SLC25A21: variants seen among roughly 807,000 people sequenced by gnomAD.
The protein encoded by SLC25A21 is solute carrier family 25 member 21.
Under a neutral mutation model 43.8 loss-of-function variants are expected in SLC25A21, and 47 were observed. The observed-to-expected ratio is 1.07, with a 90% confidence interval of 0.85 to 1.37. The LOEUF (loss-of-function observed/expected upper bound fraction) is 1.37, where lower values mean the gene tolerates loss of function less well. Among genes scored for constraint, SLC25A21 ranks in the 40% most tolerant of loss-of-function variants. The pLI is 0.00. For missense variants in SLC25A21, 352 were observed against 350.2 expected (o/e 1.00, Z -0.04); for synonymous variants, 131 against 121.3 (o/e 1.08, Z -0.52).
chr14:36,872,415 A>G (rs947848167), intron 2 of SLC25A21, among the ~76,000 whole-genome samples: 1 of 152,154 alleles, frequency 6.6e-6, no homozygotes. Context: ...ATTTGTTTCT[A>G]TTTAGAAACA....
intron 1 of SLC25A21, among the ~76,000 whole-genome samples, chr14:36,935,358 A>G (rs940935799): frequency 6.6e-6 from 1 of 152,168 alleles, no homozygotes; most frequent in Non-Finnish European, 1.5e-5. Context: ...GATTTGAGAG[A>G]TCTCTCTGTC....
rs796635697 is a variant in SLC25A21, at chr14:37,097,078, C to T, written c.70+75203G>A. Reference sequence around the variant, plus strand: ...TTTGTTTTTGGTTCTTACGAAAGTGCTTTTTTTATTCTAACTTTTATTTAG... The same window carrying T: ...TTTGTTTTTGGTTCTTACGAAAGTGTTTTTTTTATTCTAACTTTTATTTAG... On this transcript the variant is annotated intron_variant, in intron 1 of 9. Coordinates refer to ENST00000331299, the MANE Select transcript of SLC25A21 (RefSeq NM_030631.4). The T allele has an allele frequency of 7.0e-5, 10 of 143,050 alleles. No individual in the cohort carries two copies. The East Asian group carries it at 1.7e-3, about 24-fold the overall frequency. 8.9% of individuals were successfully genotyped at this position (143,050 alleles called of 1,614,324 possible).
intron 5 of SLC25A21, among the ~76,000 whole-genome samples, chr14:36,727,718 A>T (rs1884658951): frequency 6.6e-6 from 1 of 152,104 alleles, no homozygotes; most frequent in African/African-American, 2.4e-5. Flanking sequence ...TGAAAAAGAA[A>T]GAAAGAAAGA....
At chr14:37,073,269 C>T (rs961557042) in intron 1 of SLC25A21, among the ~76,000 whole-genome samples, 1 of 152,204 alleles carries the variant, frequency 6.6e-6, no homozygotes, top group African/African-American at 2.4e-5. Flanking sequence ...TTAATCCTTC[C>T]TTAGTCACTT....
chr14:37,054,664 T>G (rs1961782321), intron 1 of SLC25A21, among the ~76,000 whole-genome samples: 1 of 151,994 alleles, frequency 6.6e-6, no homozygotes, highest in African/African-American at 2.4e-5. Context: ...GGAAAAAAGG[T>G]GTTGAGAAGT....
At chr14:36,827,741 T>A (rs1888888357) in intron 2 of SLC25A21, among the ~76,000 whole-genome samples, 1 of 152,216 alleles carries the variant, frequency 6.6e-6, no homozygotes, top group African/African-American at 2.4e-5. Flanking sequence ...TAAAAGGTTA[T>A]GAAAATAACA....
chr14:36,807,497 G>A (rs1297176796), intron 3 of SLC25A21, among the ~76,000 whole-genome samples: 5 of 152,136 alleles, frequency 3.3e-5, no homozygotes, highest in Non-Finnish European at 5.9e-5. Context: ...CTCTTCCATT[G>A]TTTCTTCAAA....
intron 7 of SLC25A21, among the ~76,000 whole-genome samples, chr14:36,702,967 T>A (rs971379417): frequency 3.3e-5 from 5 of 152,194 alleles, no homozygotes; most frequent in African/African-American, 4.8e-5. Flanking sequence ...AAACTGCCAA[T>A]GAAAGATACC....
intron 1 of SLC25A21, among the ~76,000 whole-genome samples, chr14:37,032,169 G>A (rs191428238): frequency 3.3e-5 from 5 of 152,092 alleles, no homozygotes; most frequent in African/African-American, 1.2e-4. Context: ...TAAATCACAA[G>A]GATTATTTTT....
intron 1 of SLC25A21, among the ~76,000 whole-genome samples, chr14:36,885,023 G>A (rs1479103735): frequency 2.0e-5 from 3 of 151,930 alleles, no homozygotes; most frequent in African/African-American, 7.3e-5. Context: ...GCGCTTTTGG[G>A]GATATATCCC....
intron 3 of SLC25A21, among the ~76,000 whole-genome samples, chr14:36,779,503 ATATATATAAGAATAAACATATTCC>A (rs1229343648): frequency 6.9e-6 from 1 of 144,850 alleles, no homozygotes; most frequent in African/African-American, 2.5e-5. Context: ...ACATATTCCT[ATATATATAAGAATAAACATATTCC>A]TATATATAAG....
chr14:36,966,494 A>C (rs1366455185), intron 1 of SLC25A21, among the ~76,000 whole-genome samples: 2 of 152,164 alleles, frequency 1.3e-5, no homozygotes, highest in East Asian at 3.9e-4. Flanking sequence ...ATCCTGATCT[A>C]AAGTCCCATT....
Position 36,914,421 on chromosome 14 carries a change from C to T in SLC25A21, c.71-39417G>A, listed in dbSNP as rs1337128946. On this transcript the variant is annotated intron_variant, in intron 1 of 9. Transcript: ENST00000331299. ...GAAAAGGATGATTAATATAAACAGG[C>T]TTTTGCCCCTGCTGCACAGCAACAT... Among the ~76,000 whole-genome samples, 12 of 152,272 alleles carry T rather than the reference C, an allele frequency of 7.9e-5. No individual in the cohort carries two copies. The East Asian group carries it at 1.5e-3, about 20-fold the overall frequency.
chr14:36,716,833 G>A (rs1884159795), intron 6 of SLC25A21, among the ~76,000 whole-genome samples: 2 of 152,138 alleles, frequency 1.3e-5, no homozygotes, highest in South Asian at 4.1e-4. Context: ...TACAGGCTTG[G>A]GTGTGTCAGT....
At chr14:37,122,438 C>T (rs1367443301) in intron 1 of SLC25A21, among the ~76,000 whole-genome samples, 1 of 152,164 alleles carries the variant, frequency 6.6e-6, no homozygotes, top group African/African-American at 2.4e-5. Context: ...AGGCTCTATG[C>T]TAAGTGCTGG....
chr14:36,939,893 A>G (rs1191530513), intron 1 of SLC25A21, among the ~76,000 whole-genome samples: 1 of 152,140 alleles, frequency 6.6e-6, no homozygotes, highest in Non-Finnish European at 1.5e-5. Context: ...AGAAATAAGA[A>G]GATCTGGTTT....
chr14:36,851,185 T>C (rs755509048), intron 2 of SLC25A21, among the ~76,000 whole-genome samples: 22 of 152,170 alleles, frequency 1.4e-4, no homozygotes, highest in Non-Finnish European at 2.9e-4. Context: ...GTATGTAAGA[T>C]AACCTGGGAG....
chr14:37,020,566 T>A (rs1423525433), intron 1 of SLC25A21, among the ~76,000 whole-genome samples: 1 of 151,978 alleles, frequency 6.6e-6, no homozygotes, highest in Admixed American at 6.6e-5. Context: ...GTTTGTACTA[T>A]GTAAAATTGA....
At chr14:36,804,472 C>G (rs1887970676) in intron 3 of SLC25A21, among the ~76,000 whole-genome samples, 1 of 152,222 alleles carries the variant, frequency 6.6e-6, no homozygotes, top group Non-Finnish European at 1.5e-5. Context: ...CACCAGAAAA[C>G]TAGAACTGTA....
Sources: allele counts gnomAD v4.1 joint callset (sites outside exome capture counted in the v4.1 genomes callset), GRCh38; gene constraint gnomAD v4.1.1; transcripts MANE v1.5; gene names NCBI Gene and HGNC (gene_info 2026-07-23, HGNC 2026-07-21).